The following NPAS3 variants were observed in gnomAD, a reference collection of about 807,000 sequenced individuals.
The protein encoded by NPAS3 is neuronal PAS domain protein 3.
Under a neutral mutation model 73.1 loss-of-function variants are expected in NPAS3, and 14 were observed. The ratio of observed to expected loss-of-function variants is 0.19; its 90% CI spans 0.13 to 0.30. The LOEUF (loss-of-function observed/expected upper bound fraction) is 0.30. NPAS3 is among the 10% of genes least tolerant of loss of function. The pLI is 1.00. For synonymous variants in NPAS3, 620 were observed against 541.5 expected, an observed-to-expected ratio of 1.14 and a Z score of -2.01; for missense variants, 1,096 against 1,250.0, an observed-to-expected ratio of 0.88 and a Z score of 1.86.
At chr14:33,140,254 A>C (rs560824426) in intron 2 of NPAS3, among the ~76,000 whole-genome samples, 1 of 152,202 alleles carries the variant, frequency 6.6e-6, no homozygotes, top group South Asian at 2.1e-4. Context: ...CAAGTTTGAC[A>C]CTCAGGTGGC....
intron 2 of NPAS3, among the ~76,000 whole-genome samples, chr14:33,085,190 A>C (rs2041983490): frequency 6.6e-6 from 1 of 152,156 alleles, no homozygotes; most frequent in Non-Finnish European, 1.5e-5. Flanking sequence ...CTTTCCAGTG[A>C]TGAAGGAAGT....
chr14:33,024,499 G>GTC (rs1440344680), intron 1 of NPAS3, among the ~76,000 whole-genome samples: 1 of 152,036 alleles, frequency 6.6e-6, no homozygotes, highest in African/African-American at 2.4e-5. Context: ...ATCATCACAT[G>GTC]TCTCCATGTC....
intron 2 of NPAS3, among the ~76,000 whole-genome samples, chr14:33,064,452 TA>T (rs1463233834): frequency 6.6e-6 from 1 of 152,168 alleles, no homozygotes; most frequent in African/African-American, 2.4e-5. Flanking sequence ...CTCTGCTCTG[TA>T]AATGGCCTTG....
intron 7 of NPAS3, among the ~76,000 whole-genome samples, chr14:33,771,703 C>T (rs12437181): frequency 6.6e-6 from 1 of 151,940 alleles, no homozygotes; most frequent in Admixed American, 6.6e-5. Context: ...CCCAGCTACT[C>T]AGGAGGCTGA....
At chr14:33,168,436 G>A (rs1183670496) in intron 2 of NPAS3, among the ~76,000 whole-genome samples, 1 of 152,154 alleles carries the variant, frequency 6.6e-6, no homozygotes, top group South Asian at 2.1e-4. Context: ...AACCAAAGCT[G>A]TGAGAAGCAT....
chr14:33,469,539 C>A (rs947964205), intron 4 of NPAS3, among the ~76,000 whole-genome samples: 4 of 152,124 alleles, frequency 2.6e-5, no homozygotes, highest in African/African-American at 9.7e-5. Context: ...ACAGCAAATA[C>A]CAAGACCTCA....
At position 33,023,909 on chromosome 14, in the gene NPAS3, A is replaced by T. The variant is rs191992616; in HGVS notation, c.51-31996A>T. On this transcript the variant is annotated intron_variant, in intron 1 of 11. Coordinates refer to ENST00000356141, the Ensembl canonical transcript of NPAS3. The stretch of plus-strand genomic sequence containing the variant: ...TCAACTCAGCAAATACTTATTGAAC[A>T]TTTACTGTATGTCGACCACTAATGT... Among the ~76,000 whole-genome samples the T allele has an allele frequency of 3.7e-3, 559 of 152,246 alleles. 3 individuals are homozygous for T. Among genetic ancestry groups the T allele is most frequent in the African/African-American group, 0.013 (545 of 41,534 alleles).
At chr14:33,718,002 T>C (rs1387982503) in intron 6 of NPAS3, among the ~76,000 whole-genome samples, 1 of 151,682 alleles carries the variant, frequency 6.6e-6, no homozygotes, top group Admixed American at 6.6e-5. Context: ...GTAATGGGTT[T>C]TTTTTTTTTA....
intron 4 of NPAS3, among the ~76,000 whole-genome samples, chr14:33,467,843 G>C (rs2050601523): frequency 6.6e-6 from 1 of 152,178 alleles, no homozygotes; most frequent in South Asian, 2.1e-4. Context: ...TGTTGTCTCT[G>C]AGTTTTTCCC....
At chr14:33,663,623 G>A (rs549553492) in intron 5 of NPAS3, among the ~76,000 whole-genome samples, 5 of 152,190 alleles carry the variant, frequency 3.3e-5, no homozygotes, top group East Asian at 1.9e-4. Context: ...AGGATGGTAC[G>A]GGCTCCTCTT....
At chr14:33,419,401 T>C (rs931264767) in intron 4 of NPAS3, among the ~76,000 whole-genome samples, 2 of 151,898 alleles carry the variant, frequency 1.3e-5, no homozygotes, top group Admixed American at 6.6e-5. Context: ...TTTGACATTG[T>C]AAAACCATAA....
At chr14:33,549,167 A>G (rs1334261735) in intron 4 of NPAS3, among the ~76,000 whole-genome samples, 1 of 152,154 alleles carries the variant, frequency 6.6e-6, no homozygotes, top group Non-Finnish European at 1.5e-5. Flanking sequence ...CTTGCATAAA[A>G]CCTTTCACTT....
intron 5 of NPAS3, among the ~76,000 whole-genome samples, chr14:33,660,024 A>C (rs570682329): frequency 6.6e-6 from 1 of 152,178 alleles, no homozygotes; most frequent in African/African-American, 2.4e-5. Context: ...GTTGTTCCAC[A>C]TGGAAGAAAT....
At chr14:33,284,593 A>C (rs1365090602) in intron 3 of NPAS3, among the ~76,000 whole-genome samples, 1 of 152,192 alleles carries the variant, frequency 6.6e-6, no homozygotes, top group African/African-American at 2.4e-5. Flanking sequence ...AATTACTGGC[A>C]GAAGACAACT....
intron 4 of NPAS3, among the ~76,000 whole-genome samples, chr14:33,385,962 A>G (rs2046757803): frequency 6.6e-6 from 1 of 152,202 alleles, no homozygotes; most frequent in Admixed American, 6.5e-5. Context: ...TTTTGAGTAT[A>G]CACATTGACT....
At chr14:33,306,145 A>G (rs1302104421) in intron 3 of NPAS3, among the ~76,000 whole-genome samples, 1 of 152,206 alleles carries the variant, frequency 6.6e-6, no homozygotes, top group Non-Finnish European at 1.5e-5. Flanking sequence ...TGATATAACG[A>G]TATAAAACAG....
intron 7 of NPAS3, among the ~76,000 whole-genome samples, chr14:33,753,375 G>A (rs1285240233): frequency 8.9e-5 from 12 of 134,268 alleles, no homozygotes; most frequent in Admixed American, 1.4e-4. Context: ...AAAAAAAAAC[G>A]TACACTCCAC....
At chr14:33,625,399 G>A (rs750985314) in intron 5 of NPAS3, among the ~76,000 whole-genome samples, 1 of 152,218 alleles carries the variant, frequency 6.6e-6, no homozygotes, top group Non-Finnish European at 1.5e-5. Flanking sequence ...AACAACAGGA[G>A]AGCTGCTACC....
intron 4 of NPAS3, among the ~76,000 whole-genome samples, chr14:33,389,924 C>T (rs1056544648): frequency 3.3e-5 from 5 of 152,076 alleles, no homozygotes; most frequent in East Asian, 1.9e-4. Flanking sequence ...CCCCAGCAGT[C>T]GCATTCTGAT....
Sources: gnomAD v4.1 joint callset for allele counts (sites outside exome capture counted in the v4.1 genomes callset) on GRCh38, gnomAD v4.1.1 for gene constraint, MANE v1.5 for transcripts, NCBI Gene and HGNC (gene_info 2026-07-23, HGNC 2026-07-21) for gene names.